Variants in DAB1 observed in about 807,000 individuals in gnomAD.
The protein encoded by DAB1 is DAB adaptor protein 1, also known as disabled homolog 1.
A neutral mutation model predicts 64.6 loss-of-function variants in DAB1; 15 were observed. The observed-to-expected ratio is 0.23, with a 90% CI of 0.16 to 0.36. The LOEUF is 0.36. DAB1 is among the 10% of genes least tolerant of loss of function. DAB1 has a pLI of 1.00. For synonymous variants in DAB1, 235 were observed against 251.9 expected (o/e 0.93, Z 0.64); for missense variants, 596 against 706.7 (o/e 0.84, Z 1.78).
intron 3 of DAB1, among the ~76,000 whole-genome samples, chr1:58,343,740 TGAAAGAGA>T (rs139772045): frequency 1.4e-3 from 216 of 152,342 alleles, no homozygotes; most frequent in African/African-American, 4.8e-3. Flanking sequence ...TCTTCTCTAT[TGAAAGAGA>T]GGAGCTGAAA....
At chr1:58,546,329 C>T (rs1056222407) in intron 1 of DAB1, among the ~76,000 whole-genome samples, 1 of 152,174 alleles carries the variant, frequency 6.6e-6, no homozygotes, top group African/African-American at 2.4e-5. Context: ...GGGTGAGAAA[C>T]CCTGCTCTGA....
chr1:57,775,222 G>T (rs1649741217), intron 6 of DAB1, among the ~76,000 whole-genome samples: 1 of 150,788 alleles, frequency 6.6e-6, no homozygotes, highest in African/African-American at 2.4e-5. Context: ...CCAATTTTTG[G>T]TTTTATTGAT....
At position 57,151,807 on chromosome 1, in the gene DAB1, A is replaced by ATTTTT. The variant is rs34012935; in HGVS notation, c.68-6383_68-6379dup. On this transcript the variant is annotated intron_variant, in intron 2 of 14. Coordinates refer to ENST00000371236, the MANE Select transcript of DAB1 (RefSeq NM_001365792.1). ...CTGAAAATTTCTTTTCTAATGTTTA[A>ATTTTT]TTTTTTTTTTTTTTTTTTTTTTTTG... 9.9e-4 allele frequency among the ~76,000 whole-genome samples: 105 copies of ATTTTT among 106,222 alleles called. 4 individuals are homozygous for ATTTTT. Among genetic ancestry groups the ATTTTT allele is most frequent in the African/African-American group, 3.3e-3 (87 of 25,974 alleles). The allele number at this position is 106,222 out of a possible 152,430, so 69.7% of individuals were successfully genotyped here.
intron 3 of DAB1, among the ~76,000 whole-genome samples, chr1:58,387,722 C>CTTT (rs35563837): frequency 1.5e-3 from 99 of 65,452 alleles, no homozygotes; most frequent in Non-Finnish European, 2.3e-3. Flanking sequence ...CTTTTCTTTT[C>CTTT]TTTTTTTTTT....
At chr1:57,859,817 T>A (rs1171914124) in intron 1 of DAB1, among the ~76,000 whole-genome samples, 1 of 152,176 alleles carries the variant, frequency 6.6e-6, no homozygotes, top group African/African-American at 2.4e-5. Flanking sequence ...CTCAAATATC[T>A]CTTGCACCAC....
At chr1:57,268,232 T>C (rs1464350309) in intron 2 of DAB1, among the ~76,000 whole-genome samples, 3 of 152,282 alleles carry the variant, frequency 2.0e-5, no homozygotes, top group African/African-American at 7.2e-5. Flanking sequence ...GTTCAAGGAT[T>C]CAGCTTTGAC....
chr1:58,269,230 G>C (rs183340488), intron 4 of DAB1, among the ~76,000 whole-genome samples: 54 of 145,792 alleles, frequency 3.7e-4, no homozygotes, highest in African/African-American at 1.3e-3. Context: ...TGATCTCATT[G>C]TTCAATTCCC....
intron 5 of DAB1, among the ~76,000 whole-genome samples, chr1:58,131,652 C>G (rs971882942): frequency 1.5e-5 from 2 of 134,294 alleles, no homozygotes; most frequent in African/African-American, 6.0e-5. Flanking sequence ...GATGTCCTTT[C>G]TGTTTGTTAG....
At chr1:57,253,703 T>C (rs1392578680) in intron 2 of DAB1, among the ~76,000 whole-genome samples, 1 of 152,220 alleles carries the variant, frequency 6.6e-6, no homozygotes, top group Non-Finnish European at 1.5e-5. Flanking sequence ...GGTTAGTGTA[T>C]CTATTTTTCA....
intron 3 of DAB1, among the ~76,000 whole-genome samples, chr1:58,417,525 TA>T (rs147711693): frequency 0.033 from 5,097 of 152,254 alleles, 106 homozygotes; most frequent in African/African-American, 0.063. Context: ...CAAGAGGCAA[TA>T]TCCAGTGCAG....
chr1:58,365,703 A>G (rs1438219822), intron 3 of DAB1, among the ~76,000 whole-genome samples: 1 of 152,138 alleles, frequency 6.6e-6, no homozygotes, highest in Non-Finnish European at 1.5e-5. Flanking sequence ...GAAAAATCCA[A>G]CTTTCTAGAA....
Position 57,015,374 on chromosome 1 carries a change from T to A in DAB1, c.953A>T (p.Gln318Leu), listed in dbSNP as rs374152781. The change falls in exon 12 of 15, where the codon CAA (glutamine) becomes CTA (leucine). Residue 318 changes from glutamine (Q) to leucine (L), a missense_variant. Transcript: ENST00000371236. ...PSFWGQQPLV[Q>L]QQMVMGAQPP... is the part of the protein sequence containing the mutation. Reference sequence around the variant, plus strand: ...CTGGGCACCCATGACCATCTGCTGTTGGACGAGGGGCTGCTGACCCCAGAA... The same window carrying A: ...CTGGGCACCCATGACCATCTGCTGTAGGACGAGGGGCTGCTGACCCCAGAA... The A allele has an allele frequency of 6.2e-7, 1 of 1,613,974 alleles. No homozygotes were observed. The highest frequency in any genetic ancestry group is 2.2e-5 in the East Asian group (1 of 44,862).
chr1:57,066,345 C>A (rs903279689), intron 8 of DAB1, among the ~76,000 whole-genome samples: 10 of 152,128 alleles, frequency 6.6e-5, no homozygotes, highest in African/African-American at 1.9e-4. Flanking sequence ...AGCTGTTTTT[C>A]CTATGTCACC....
chr1:58,023,283 C>A (rs1646840690), intron 5 of DAB1, among the ~76,000 whole-genome samples: 1 of 152,054 alleles, frequency 6.6e-6, no homozygotes, highest in Non-Finnish European at 1.5e-5. Context: ...ACCCCCAGCC[C>A]ACAGCCAGAA....
intron 3 of DAB1, among the ~76,000 whole-genome samples, chr1:58,347,127 G>A (rs926504326): frequency 6.6e-6 from 1 of 152,054 alleles, no homozygotes; most frequent in Non-Finnish European, 1.5e-5. Context: ...TTTGTTTTGA[G>A]ACAAAGTTTC....
rs551215385 is a variant in DAB1 at position 57,920,520 on chromosome 1, G to A, written n.388-36358C>T. On this transcript the variant is annotated intron_variant and non_coding_transcript_variant, in intron 5 of 20. Coordinates refer to the DAB1 transcript ENST00000485760. ...TTTTTTTGAAACAGGGTCTTGCCAT[G>A]TTGCCCAGGCTAGTCTTGGACTCCT... Among the ~76,000 whole-genome samples, 42 of 152,200 alleles carry A rather than the reference G, an allele frequency of 2.8e-4. 1 individual carries two copies. Among genetic ancestry groups the A allele is most frequent in the African/African-American group, 9.6e-4 (40 of 41,532 alleles).
rs904176643 is a variant in DAB1, at chr1:57,949,254, A to G, written n.388-65092T>C. Among the ~76,000 whole-genome samples the G allele has an allele frequency of 1.2e-4, 18 of 152,274 alleles. 1 individual carries two copies. In the East Asian group the frequency reaches 3.5e-3, roughly 29 times the overall value. On this transcript the variant is annotated intron_variant and non_coding_transcript_variant, in intron 5 of 20. Transcript: ENST00000485760. ...GATTCTCACAAGGAGTGCACAGCCTAGATCCCTTGCATGTGCAGTTCACAA... is the reference window on the plus strand; with the variant it reads ...GATTCTCACAAGGAGTGCACAGCCTGGATCCCTTGCATGTGCAGTTCACAA...
Position 58,180,281 on chromosome 1 carries a change from C to CTTTTTTTTTTTTTTTTTTTTTTTTTTT in DAB1, n.310-29720_310-29694dup, listed in dbSNP as rs869204611. Among the ~76,000 whole-genome samples, 8 of 61,032 alleles carry CTTTTTTTTTTTTTTTTTTTTTTTTTTT rather than the reference C, an allele frequency of 1.3e-4. 2 individuals are homozygous for CTTTTTTTTTTTTTTTTTTTTTTTTTTT. The highest frequency in any genetic ancestry group is 4.3e-4 in the African/African-American group (6 of 14,090). 40.0% of individuals were successfully genotyped at this position (61,032 alleles called of 152,430 possible). ...CTTTCTTTTTTCTTTTTTTTCTTTT[C>CTTTTTTTTTTTTTTTTTTTTTTTTTTT]TTTTTTTTTTTTTTTTTTTTTTTTT... On this transcript the variant is annotated intron_variant and non_coding_transcript_variant, in intron 4 of 20. Coordinates refer to the DAB1 transcript ENST00000485760.
intron 9 of DAB1, among the ~76,000 whole-genome samples, chr1:57,039,302 G>A (rs1036706525): frequency 3.9e-5 from 6 of 152,274 alleles, no homozygotes; most frequent in African/African-American, 1.4e-4. Context: ...AACTGGCAGA[G>A]TAAAATTTCA....
Sources: gnomAD v4.1 joint callset for allele counts (sites outside exome capture counted in the v4.1 genomes callset) on GRCh38, gnomAD v4.1.1 for gene constraint, MANE v1.5 for transcripts, NCBI Gene and HGNC (gene_info 2026-07-23, HGNC 2026-07-21) for gene names.